Variants in MAU2 observed in about 807,000 individuals in gnomAD.
The protein encoded by MAU2 is MAU2 sister chromatid cohesion factor, also known as MAU2 chromatid cohesion factor homolog.
In MAU2, 9 loss-of-function variants were observed where a neutral mutation model predicts 89.1. The observed-to-expected ratio is 0.10, with a 90% confidence interval of 0.06 to 0.18. The LOEUF is 0.18. Among genes scored for constraint, MAU2 ranks in the 10% least tolerant of loss-of-function variants. The pLI is 1.00. For synonymous variants in MAU2, 357 were observed against 343.4 expected (o/e 1.04, Z -0.44); for missense variants, 425 against 803.5 (o/e 0.53, Z 5.69).
chr19:19,343,995 AGT>A (rs2061673747), intron 10 of MAU2, 55 bp downstream of exon 10: 4 of 1,428,050 alleles, frequency 2.8e-6, no homozygotes, highest in Non-Finnish European at 3.9e-6. Flanking sequence ...GGGTCTCAGC[AGT>A]GTCAGACAAG....
rs778648533 is a variant in MAU2 at position 19,336,225 on chromosome 19, C to CT, written c.360+39dup. 49 of 1,440,266 alleles carry CT rather than the reference C, an allele frequency of 3.4e-5. 1 individual carries two copies. In the South Asian group the frequency reaches 5.4e-4, roughly 16 times the overall value. The allele number at this position is 1,440,266 out of a possible 1,614,324, so 89.2% of individuals were successfully genotyped here. A position where few individuals can be genotyped will look rare whatever the true frequency, so the allele number is the denominator to read the frequency against. On this transcript the variant is annotated intron_variant, in intron 3 of 18. Transcript: ENST00000262815. ...TAAGGTTTCTGAAAGCAAAGTGTCTCTCCGTGTCGCTAAGACATGACAGCA... is the reference window on the plus strand; with the variant it reads ...TAAGGTTTCTGAAAGCAAAGTGTCTCTTCCGTGTCGCTAAGACATGACAGCA...
intron 10 of MAU2, 83 bp downstream of exon 10, chr19:19,344,023 A>G (rs1224208099): frequency 2.7e-6 from 3 of 1,102,108 alleles, no homozygotes; most frequent in Non-Finnish European, 4.1e-6. Flanking sequence ...GAATTCGCCA[A>G]GTGCATACTG....
At position 19,328,059 on chromosome 19, in the gene MAU2, C is replaced by T. The variant is rs140562030; in HGVS notation, c.276+6924C>T. Reference sequence around the variant, plus strand: ...TCTGTAGTCCTAGCTACTTGGGAAGCTGAGGCGTGAGGATCACTTGAGCCC... The same window carrying T: ...TCTGTAGTCCTAGCTACTTGGGAAGTTGAGGCGTGAGGATCACTTGAGCCC... On this transcript the variant is annotated intron_variant, in intron 1 of 18. Transcript: ENST00000262815. 4.6e-5 allele frequency among the ~76,000 whole-genome samples: 7 copies of T among 151,496 alleles called. No individual in the cohort carries two copies. In the East Asian group the frequency reaches 7.8e-4, roughly 17 times the overall value.
At chr19:19,344,425 C>A in intron 10 of MAU2, 2 of 235,502 alleles carry the variant, frequency 8.5e-6, no homozygotes, top group South Asian at 7.0e-5. Context: ...AAAAAAAACC[C>A]AAAAAACTAA....
chr19:19,330,419 A>ACC lies in MAU2; in HGVS notation c.277-5295_277-5294dup, dbSNP rs556529700. On this transcript the variant is annotated intron_variant, in intron 1 of 18. Transcript: ENST00000262815. ...AGACCAGCCTGGGCAAGATAGCGAG[A>ACC]CCCCCATCTCTACAAAAAAGTAAAA... 4.8e-3 allele frequency among the ~76,000 whole-genome samples: 712 copies of ACC among 147,862 alleles called. 9 individuals are homozygous for ACC. Among genetic ancestry groups the ACC allele is most frequent in the African/African-American group, 0.017 (680 of 39,794 alleles).
intron 4 of MAU2, 104 bp from the exon 5 acceptor site, chr19:19,338,741 C>A: frequency 1.3e-6 from 1 of 755,732 alleles, no homozygotes; most frequent in Non-Finnish European, 2.2e-6. Flanking sequence ...GGCAGTTTCA[C>A]TGACGTGGGG....
At chr19:19,330,512 G>A (rs1351544598) in intron 1 of MAU2, among the ~76,000 whole-genome samples, 2 of 151,850 alleles carry the variant, frequency 1.3e-5, no homozygotes, top group African/African-American at 4.8e-5. Context: ...AGGCCAAGGC[G>A]GGTGCATCAC....
chr19:19,354,357 G>A lies in MAU2; in HGVS notation c.1551G>A (p.Glu517=). 6.2e-7 allele frequency: 1 copy of A among 1,613,720 alleles called. No homozygotes were observed. The highest frequency in any genetic ancestry group is 1.1e-5 in the South Asian group (1 of 91,080). ...CCCTTGCTGCTCTTGGTTGACAGGAGAGTAACAACATGGTGGTGCCTGCCA... is the reference window on the plus strand; with the variant it reads ...CCCTTGCTGCTCTTGGTTGACAGGAAAGTAACAACATGGTGGTGCCTGCCA... ...HIFYVLGNHR[E]SNNMVVPAMQ... The change falls in exon 17 of 19, where the codon GAG becomes GAA. Residue 517 remains glutamate (E), a splice_region_variant and synonymous_variant. Transcript: ENST00000262815.
chr19:19,350,593 G>T (rs1415074090), intron 16 of MAU2, among the ~76,000 whole-genome samples: 1 of 144,790 alleles, frequency 6.9e-6, no homozygotes, highest in Non-Finnish European at 1.5e-5. Context: ...CTAGGTGAGA[G>T]CAAGACTCCA....
chr19:19,326,719 T>TATATATGTGTATATATATATATAC (rs1327254833), intron 1 of MAU2, among the ~76,000 whole-genome samples: 333 of 28,560 alleles, frequency 0.012, 5 homozygotes, highest in East Asian at 0.033. Context: ...TATATATATA[T>TATATATGTGTATATATATATATAC]ACATATATAT....
chr19:19,342,435 G>A (rs2061657824), intron 7 of MAU2, 100 bp from the exon 8 acceptor site: 2 of 1,407,164 alleles, frequency 1.4e-6, no homozygotes, highest in Non-Finnish European at 1.9e-6. Context: ...AGAAGGGGAA[G>A]GCAGATGCTC....
chr19:19,338,531 C>T (rs1292779594), intron 4 of MAU2, among the ~76,000 whole-genome samples: 6 of 152,214 alleles, frequency 3.9e-5, no homozygotes, highest in African/African-American at 1.4e-4. Flanking sequence ...CTCAGAACAG[C>T]CTTAGGTGCT....
chr19:19,326,701 T>C (rs62135553), intron 1 of MAU2, among the ~76,000 whole-genome samples: 4,235 of 38,528 alleles, frequency 0.11, 282 homozygotes, highest in East Asian at 0.19. Context: ...AATATATATA[T>C]GTATATATAT....
intron 1 of MAU2, among the ~76,000 whole-genome samples, chr19:19,322,608 G>C (rs998850659): frequency 1.3e-5 from 2 of 152,024 alleles, no homozygotes; most frequent in Non-Finnish European, 2.9e-5. Context: ...AGAAAAAAAA[G>C]ATAATAAGGA....
At chr19:19,340,340 A>G (rs931319357) in intron 5 of MAU2, among the ~76,000 whole-genome samples, 1 of 147,206 alleles carries the variant, frequency 6.8e-6, no homozygotes. Context: ...GAAAAAAATA[A>G]TAAAAAAAAT....
In MAU2 at chr19:19,356,612, C is replaced by A. The variant is rs890772230; in HGVS notation, c.*830C>A. 2 of 155,902 alleles carry A rather than the reference C, an allele frequency of 1.3e-5. No individual in the cohort carries two copies. Among genetic ancestry groups the A allele is most frequent in the African/African-American group, 2.4e-5 (1 of 41,456 alleles). 9.7% of individuals were successfully genotyped at this position (155,902 alleles called of 1,614,324 possible). A position where few individuals can be genotyped will look rare whatever the true frequency, so the allele number is the denominator to read the frequency against. On this transcript the variant is annotated 3_prime_UTR_variant, in exon 19 of 19. Coordinates refer to ENST00000262815, the MANE Select transcript of MAU2 (RefSeq NM_015329.4). Reference sequence around the variant, plus strand: ...GGCTCGTCTCCTAAATTTAAGATCACCTCCTCAGCTAGCTTAGAGTGCGTG... The same window carrying A: ...GGCTCGTCTCCTAAATTTAAGATCAACTCCTCAGCTAGCTTAGAGTGCGTG...
At chr19:19,346,421 A>G (rs2061693222) in intron 12 of MAU2, among the ~76,000 whole-genome samples, 1 of 152,152 alleles carries the variant, frequency 6.6e-6, no homozygotes, top group Non-Finnish European at 1.5e-5. Context: ...AGGCCAAAAG[A>G]GAGCCTCTTT....
At chr19:19,341,659 G>A (rs1338926193) in intron 7 of MAU2, among the ~76,000 whole-genome samples, 1 of 152,184 alleles carries the variant, frequency 6.6e-6, no homozygotes, top group Non-Finnish European at 1.5e-5. Context: ...GCATACACTC[G>A]CTCAGTGTAT....
chr19:19,354,352 C>A lies in MAU2; in HGVS notation c.1549-3C>A, dbSNP rs1290346362. 1 of 1,612,976 alleles carries A rather than the reference C, an allele frequency of 6.2e-7. No individual in the cohort carries two copies. The highest frequency in any genetic ancestry group is 1.3e-5 in the African/African-American group (1 of 74,914). ...ACTCCCCCTTGCTGCTCTTGGTTGA[C>A]AGGAGAGTAACAACATGGTGGTGCC... On this transcript the variant is annotated splice_region_variant and splice_polypyrimidine_tract_variant and intron_variant, in intron 16 of 18. Coordinates refer to ENST00000262815, the MANE Select transcript of MAU2 (RefSeq NM_015329.4).
Sources: gnomAD v4.1 joint callset for allele counts (sites outside exome capture counted in the v4.1 genomes callset) on GRCh38, gnomAD v4.1.1 for gene constraint, MANE v1.5 for transcripts, NCBI Gene and HGNC (gene_info 2026-07-23, HGNC 2026-07-21) for gene names.